The following SEPTIN9 variants were observed in gnomAD, a reference collection of about 807,000 sequenced individuals.
The protein encoded by SEPTIN9 is septin 9, also known as septin-9.
In SEPTIN9, 13 loss-of-function variants were observed where a neutral mutation model predicts 56.6. The observed-to-expected ratio is 0.23, with a 90% CI of 0.15 to 0.37. SEPTIN9 has a LOEUF of 0.37. Ranked by LOEUF, SEPTIN9 falls within the 10% of genes least tolerant of loss-of-function variation. The pLI is 1.00. For synonymous variants in SEPTIN9, 332 were observed against 334.1 expected (o/e 0.99, Z 0.07); for missense variants, 650 against 823.1 (o/e 0.79, Z 2.57).
intron 3 of SEPTIN9, among the ~76,000 whole-genome samples, chr17:77,416,070 C>A (rs2036496077): frequency 6.6e-6 from 1 of 152,216 alleles, no homozygotes; most frequent in South Asian, 2.1e-4. Context: ...TAAGACAGGC[C>A]CAGCCCTGCA....
At chr17:77,440,603 G>C (rs549061045) in intron 3 of SEPTIN9, among the ~76,000 whole-genome samples, 116 of 152,352 alleles carry the variant, frequency 7.6e-4, no homozygotes, top group Middle Eastern at 6.8e-3. Flanking sequence ...GTCCCAAGCG[G>C]ACAGCTGCTC....
intron 2 of SEPTIN9, among the ~76,000 whole-genome samples, chr17:77,362,261 C>T (rs1205853419): frequency 6.6e-6 from 1 of 152,198 alleles, no homozygotes; most frequent in African/African-American, 2.4e-5. Flanking sequence ...AGATCTGTGG[C>T]CACATGGATG....
intron 3 of SEPTIN9, among the ~76,000 whole-genome samples, chr17:77,477,566 G>A (rs754203783): frequency 1.2e-4 from 19 of 152,170 alleles, no homozygotes; most frequent in African/African-American, 3.4e-4. Context: ...TTCTGGAGCC[G>A]GGTGTGTTGT....
At chr17:77,355,697 C>T (rs2034208241) in intron 2 of SEPTIN9, among the ~76,000 whole-genome samples, 1 of 151,742 alleles carries the variant, frequency 6.6e-6, no homozygotes, top group Admixed American at 6.6e-5. Flanking sequence ...TAGAAGTGCT[C>T]CCTGGCCGGG....
chr17:77,443,669 T>C (rs2037631090), intron 3 of SEPTIN9, among the ~76,000 whole-genome samples: 1 of 152,032 alleles, frequency 6.6e-6, no homozygotes, highest in South Asian at 2.1e-4. Flanking sequence ...TGGCGGCGCA[T>C]GCTTGTAATC....
rs1177444446 is a variant in SEPTIN9, at chr17:77,326,861, T to C, written c.76+19664T>C. 6.6e-6 allele frequency among the ~76,000 whole-genome samples: 1 copy of C among 152,054 alleles called. No homozygotes were observed. The highest frequency in any genetic ancestry group is 2.4e-5 in the African/African-American group (1 of 41,376). On this transcript the variant is annotated intron_variant, in intron 2 of 11. Coordinates refer to ENST00000427177, the MANE Select transcript of SEPTIN9 (RefSeq NM_001113491.2). The surrounding 1 kb of genome is among the most constrained non-coding windows in gnomAD (Gnocchi z 5.1). ...GATTGAATCAATCATGCCTTCGTAA[T>C]GAGGCCTCCGTGAACACTCAGAAGG...
chr17:77,341,406 G>A (rs1419099723), intron 2 of SEPTIN9, among the ~76,000 whole-genome samples: 1 of 152,162 alleles, frequency 6.6e-6, no homozygotes, highest in Non-Finnish European at 1.5e-5. Flanking sequence ...AACATACAAC[G>A]TTTATTGAAT....
In SEPTIN9 at chr17:77,434,850, TAA is replaced by T. The variant is rs994398481; in HGVS notation, c.721+32148_721+32149del. Among the ~76,000 whole-genome samples the T allele has an allele frequency of 6.6e-6, 1 of 152,114 alleles. No individual in the cohort carries two copies. Among genetic ancestry groups the T allele is most frequent in the African/African-American group, 2.4e-5 (1 of 41,408 alleles). The stretch of plus-strand genomic sequence containing the variant: ...CAGGAGGGTAGCCAGTCGCTGGAAC[TAA>T]GAGTGAACTTCAGCTGTTGTTGCCA... On this transcript the variant is annotated intron_variant, in intron 3 of 11. Transcript: ENST00000427177. The surrounding 1 kb of genome is among the most constrained non-coding windows in gnomAD (Gnocchi z 5.0).
Position 77,499,819 on chromosome 17 carries a change from C to T in SEPTIN9, c.*1161C>T. 3.0e-6 allele frequency: 1 copy of T among 334,120 alleles called. No individual in the cohort carries two copies. The allele number at this position is 334,120 out of a possible 1,614,324, so 20.7% of individuals were successfully genotyped here. ...GAGGTGGGAGGCCAGGCGAGCCTGA[C>T]TCTGTTGATCTACCCGTGCCTGGGC... On this transcript the variant is annotated 3_prime_UTR_variant, in exon 12 of 12. Coordinates refer to ENST00000427177, the MANE Select transcript of SEPTIN9 (RefSeq NM_001113491.2).
chr17:77,414,911 G>A (rs907366161), intron 3 of SEPTIN9, among the ~76,000 whole-genome samples: 2 of 152,114 alleles, frequency 1.3e-5, no homozygotes, highest in Non-Finnish European at 1.5e-5. Flanking sequence ...AGAATTGCAC[G>A]TTTGGCCTTT....
At chr17:77,408,809 G>C (rs2036185952) in intron 3 of SEPTIN9, among the ~76,000 whole-genome samples, 1 of 152,138 alleles carries the variant, frequency 6.6e-6, no homozygotes, top group Admixed American at 6.5e-5. Context: ...CCCATAGACA[G>C]CCCAGCTTCT....
At chr17:77,295,490 C>T (rs547044246) in intron 1 of SEPTIN9, among the ~76,000 whole-genome samples, 14 of 152,228 alleles carry the variant, frequency 9.2e-5, no homozygotes, top group East Asian at 1.9e-4. Context: ...AGAGCTCCCG[C>T]GCCCTCCCTT....
chr17:77,484,502 G>C (rs1328163699), intron 4 of SEPTIN9, among the ~76,000 whole-genome samples: 1 of 97,320 alleles, frequency 1.0e-5, no homozygotes. Flanking sequence ...GATGGTGATT[G>C]TGGTGATGGT....
chr17:77,352,267 C>T (rs934031116), intron 2 of SEPTIN9, among the ~76,000 whole-genome samples: 31 of 150,686 alleles, frequency 2.1e-4, no homozygotes, highest in Admixed American at 4.0e-4. Flanking sequence ...ATTAGCCGGG[C>T]GTGGTGGTGG....
In SEPTIN9 at chr17:77,475,255, G is replaced by T; in HGVS notation, c.722-6889G>T. ...CACATCATTATTCAGTTACCATCGT[G>T]GGGAGACTGTCTGGACGCAGAGAGC... On this transcript the variant is annotated intron_variant, in intron 3 of 11. Coordinates refer to ENST00000427177, the MANE Select transcript of SEPTIN9 (RefSeq NM_001113491.2). The surrounding 1 kb of genome is among the most constrained non-coding windows in gnomAD (Gnocchi z 4.6). 1 of 1,378,540 alleles carries T rather than the reference G, an allele frequency of 7.3e-7. No homozygotes were observed. The highest frequency in any genetic ancestry group is 9.4e-7 in the Non-Finnish European group (1 of 1,067,012). 85.4% of individuals were successfully genotyped at this position (1,378,540 alleles called of 1,614,324 possible). A position where few individuals can be genotyped will look rare whatever the true frequency, so the allele number is the denominator to read the frequency against.
At chr17:77,387,558 G>A (rs889676307) in intron 2 of SEPTIN9, among the ~76,000 whole-genome samples, 6 of 152,166 alleles carry the variant, frequency 3.9e-5, no homozygotes, top group Non-Finnish European at 5.9e-5. Context: ...CGGAGGGAAC[G>A]CTGCTGGGTG....
chr17:77,328,126 G>A (rs1380192320), intron 2 of SEPTIN9, among the ~76,000 whole-genome samples: 1 of 138,450 alleles, frequency 7.2e-6, no homozygotes, highest in African/African-American at 2.8e-5. Context: ...GGGTGTCCCC[G>A]TTCCCAGGGC....
At chr17:77,428,745 A>G (rs1182317362) in intron 3 of SEPTIN9, among the ~76,000 whole-genome samples, 1 of 152,160 alleles carries the variant, frequency 6.6e-6, no homozygotes, top group Non-Finnish European at 1.5e-5. Context: ...CTGTGGGGTC[A>G]GCAGAGGGAG....
In SEPTIN9 at chr17:77,450,070, G is replaced by A. The variant is rs892411562; in HGVS notation, c.722-32074G>A. 1.3e-5 allele frequency among the ~76,000 whole-genome samples: 2 copies of A among 152,172 alleles called. No homozygotes were observed. Among genetic ancestry groups the A allele is most frequent in the South Asian group, 2.1e-4 (1 of 4,820 alleles). ...GACACTCCCCCGGCTCTGGCCTGGC[G>A]CCCGGAGACCAGTAGCAGCAGCTCC... On this transcript the variant is annotated intron_variant, in intron 3 of 11. Transcript: ENST00000427177. The surrounding 1 kb of genome is among the most constrained non-coding windows in gnomAD (Gnocchi z 6.0).
Sources: allele counts gnomAD v4.1 joint callset (sites outside exome capture counted in the v4.1 genomes callset), GRCh38; gene constraint gnomAD v4.1.1; non-coding constraint Gnocchi (gnomAD v3.1); transcripts MANE v1.5; gene names NCBI Gene and HGNC (gene_info 2026-07-23, HGNC 2026-07-21).